The following CHMP3 variants were observed in gnomAD, a reference collection of about 807,000 sequenced individuals.
The protein encoded by CHMP3 is charged multivesicular body protein 3.
In CHMP3, 8 loss-of-function variants were observed where a neutral mutation model predicts 27.4. That is an observed-to-expected ratio of 0.29 (90% CI 0.17 to 0.53). CHMP3 has a LOEUF of 0.53. CHMP3 is among the 20% of genes least tolerant of loss of function. The pLI is 0.96. For missense variants in CHMP3, 208 were observed against 271.5 expected (o/e 0.77, Z 1.64); for synonymous variants, 86 against 85.5 (o/e 1.01, Z -0.03).
chr2:86,528,960 A>G (rs1343542439), intron 3 of CHMP3, among the ~76,000 whole-genome samples: 1 of 152,194 alleles, frequency 6.6e-6, no homozygotes, highest in Non-Finnish European at 1.5e-5. Context: ...CTCAATTCTC[A>G]GGCCACGTGA....
At chr2:86,562,115 A>G (rs1191240466) in intron 1 of CHMP3, 2 of 152,256 alleles carry the variant, frequency 1.3e-5, no homozygotes, top group African/African-American at 4.8e-5. Context: ...TTTCCTGACG[A>G]AAATAATGAG....
intron 3 of CHMP3, among the ~76,000 whole-genome samples, chr2:86,523,998 C>T (rs764139308): frequency 1.9e-4 from 29 of 152,056 alleles, no homozygotes; most frequent in Non-Finnish European, 3.8e-4. Context: ...CAAAATTGAT[C>T]ATGATAATGA....
At chr2:86,548,548 C>G (rs1478487671) in intron 1 of CHMP3, among the ~76,000 whole-genome samples, 1 of 152,224 alleles carries the variant, frequency 6.6e-6, no homozygotes, top group Non-Finnish European at 1.5e-5. Context: ...AAGAATTTTT[C>G]TTAGTACAGA....
intron 1 of CHMP3, among the ~76,000 whole-genome samples, chr2:86,561,425 G>T (rs964551409): frequency 6.6e-6 from 1 of 152,146 alleles, no homozygotes; most frequent in Non-Finnish European, 1.5e-5. Context: ...TGCTACTCAA[G>T]TGTAGACCAG....
chr2:86,550,073 T>A (rs1236498742), intron 1 of CHMP3, among the ~76,000 whole-genome samples: 1 of 152,172 alleles, frequency 6.6e-6, no homozygotes, highest in Non-Finnish European at 1.5e-5. Context: ...GCCACTGCAC[T>A]CCAGCCTGGG....
chr2:86,506,062 C>A, intron 5 of CHMP3, 113 bp from the exon 6 acceptor site: 1 of 1,271,244 alleles, frequency 7.9e-7, no homozygotes, highest in Non-Finnish European at 1.0e-6. Flanking sequence ...TGAGACAGTA[C>A]AGCAAGCTGT....
intron 1 of CHMP3, among the ~76,000 whole-genome samples, chr2:86,557,256 A>G (rs56184319): frequency 0.075 from 11,362 of 152,236 alleles, 474 homozygotes; most frequent in African/African-American, 0.081. Flanking sequence ...GTAGGGTTAA[A>G]CAGAAACCTA....
chr2:86,551,775 C>T (rs1573301591), intron 1 of CHMP3, among the ~76,000 whole-genome samples: 1 of 152,198 alleles, frequency 6.6e-6, no homozygotes, highest in Non-Finnish European at 1.5e-5. Flanking sequence ...AATAGTTACA[C>T]TTTTTGTTTA....
At chr2:86,549,845 T>C (rs1339563135) in intron 1 of CHMP3, among the ~76,000 whole-genome samples, 1 of 145,690 alleles carries the variant, frequency 6.9e-6, no homozygotes, top group African/African-American at 2.6e-5. Flanking sequence ...GAGGCGCTCC[T>C]CGCCTCCCAG....
chr2:86,510,843 A>G (rs528334615), intron 3 of CHMP3: 62 of 220,006 alleles, frequency 2.8e-4, no homozygotes, highest in Admixed American at 1.6e-3. Context: ...TAGGAAAGAG[A>G]AGGCTTCAGG....
At chr2:86,509,195 G>T (rs911698214) in intron 4 of CHMP3, among the ~76,000 whole-genome samples, 1 of 152,280 alleles carries the variant, frequency 6.6e-6, no homozygotes, top group African/African-American at 2.4e-5. Context: ...TCTGAAAAAG[G>T]CTTCCCTCTC....
chr2:86,520,599 A>G (rs1675484301), intron 3 of CHMP3, among the ~76,000 whole-genome samples: 1 of 152,226 alleles, frequency 6.6e-6, no homozygotes. Context: ...TCTGTAACAC[A>G]TAAGTTAAAA....
intron 3 of CHMP3, among the ~76,000 whole-genome samples, chr2:86,515,796 G>C (rs1196642150): frequency 2.0e-5 from 3 of 152,120 alleles, no homozygotes; most frequent in Admixed American, 2.0e-4. Context: ...TTAGTATTGG[G>C]TCAGAAATAT....
chr2:86,542,796 T>C (rs1157806086), intron 1 of CHMP3: 2 of 152,594 alleles, frequency 1.3e-5, no homozygotes, highest in Non-Finnish European at 2.9e-5. Flanking sequence ...ACCATGGTAG[T>C]TTCCTGACAG....
At chr2:86,544,514 T>C (rs1676488286) in intron 1 of CHMP3, among the ~76,000 whole-genome samples, 1 of 152,098 alleles carries the variant, frequency 6.6e-6, no homozygotes, top group African/African-American at 2.4e-5. Context: ...TTTGTGTCCC[T>C]GGGTACTTGA....
chr2:86,545,437 G>C (rs142043028), intron 1 of CHMP3, among the ~76,000 whole-genome samples: 1 of 92,542 alleles, frequency 1.1e-5, no homozygotes, highest in Admixed American at 1.1e-4. Context: ...GGGCAGAGGC[G>C]CTCCTCACTC....
At chr2:86,548,697 T>C (rs541003417) in intron 1 of CHMP3, among the ~76,000 whole-genome samples, 1 of 152,354 alleles carries the variant, frequency 6.6e-6, no homozygotes, top group East Asian at 1.9e-4. Context: ...CGATGGTCAC[T>C]GTCTCTTCGG....
intron 1 of CHMP3, among the ~76,000 whole-genome samples, chr2:86,551,304 GTCTC>G (rs1475712975): frequency 1.4e-5 from 2 of 147,850 alleles, no homozygotes; most frequent in Non-Finnish European, 3.0e-5. Flanking sequence ...TTGAGATGGA[GTCTC>G]TCTCTGTCAC....
chr2:86,516,362 T>C (rs1262396954), intron 3 of CHMP3, among the ~76,000 whole-genome samples: 4 of 152,060 alleles, frequency 2.6e-5, no homozygotes, highest in Non-Finnish European at 5.9e-5. Context: ...CACAGAAAAG[T>C]AGAGAAGTAT....
Sources: allele counts gnomAD v4.1 joint callset (sites outside exome capture counted in the v4.1 genomes callset), GRCh38; gene constraint gnomAD v4.1.1; transcripts MANE v1.5; gene names NCBI Gene and HGNC (gene_info 2026-07-23, HGNC 2026-07-21).